NRXN3: variants seen among roughly 807,000 people sequenced by gnomAD.
NRXN3 encodes neurexin III.
NRXN3 carries 32 observed loss-of-function variants against 137.6 expected under a neutral mutation model. That is an observed-to-expected ratio of 0.23 (90% CI 0.18 to 0.31). The LOEUF is 0.31. NRXN3 is among the 10% of genes least tolerant of loss of function. The pLI is 1.00. For missense variants in NRXN3, 1,574 were observed against 2,062.5 expected (o/e 0.76, Z 4.59); for synonymous variants, 798 against 784.5 (o/e 1.02, Z -0.29).
intron 1 of NRXN3, among the ~76,000 whole-genome samples, chr14:78,178,394 G>T (rs2153345359): frequency 6.6e-6 from 1 of 152,336 alleles, no homozygotes; most frequent in East Asian, 1.9e-4. Flanking sequence ...TAATGCTGCT[G>T]GTTGTCTTTT....
intron 15 of NRXN3, among the ~76,000 whole-genome samples, chr14:79,225,892 T>C (rs1450032766): frequency 1.3e-5 from 2 of 152,094 alleles, no homozygotes; most frequent in East Asian, 1.9e-4. Flanking sequence ...TCCTAGCCCA[T>C]GGTGCCTTTC....
At chr14:79,126,809 T>C (rs1450402937) in intron 15 of NRXN3, among the ~76,000 whole-genome samples, 4 of 152,198 alleles carry the variant, frequency 2.6e-5, no homozygotes, top group Non-Finnish European at 4.4e-5. Context: ...AAAGTCTTCC[T>C]ATTTCTCCAC....
At chr14:78,680,034 GTATAATTACA>G (rs1447162212) in intron 6 of NRXN3, among the ~76,000 whole-genome samples, 2 of 152,048 alleles carry the variant, frequency 1.3e-5, no homozygotes, top group African/African-American at 4.8e-5. Context: ...ATAAGTATAT[GTATAATTACA>G]TATAATTACA....
chr14:79,230,202 G>A (rs2071895976), intron 15 of NRXN3, among the ~76,000 whole-genome samples: 1 of 152,074 alleles, frequency 6.6e-6, no homozygotes, highest in Non-Finnish European at 1.5e-5. Flanking sequence ...AGGGAACTTA[G>A]GGTAGATTTC....
chr14:78,637,627 A>G (rs1601713279), intron 4 of NRXN3, among the ~76,000 whole-genome samples: 2 of 152,190 alleles, frequency 1.3e-5, no homozygotes, highest in African/African-American at 2.4e-5. Flanking sequence ...CTAGAGTTCC[A>G]TAGATTTAGA....
chr14:79,269,597 C>T (rs181785618), intron 15 of NRXN3, among the ~76,000 whole-genome samples: 2 of 152,222 alleles, frequency 1.3e-5, no homozygotes, highest in Admixed American at 6.5e-5. Context: ...GTCTGTCCCA[C>T]GGTTCTCAGG....
chr14:79,435,080 A>G (rs2095823328), intron 15 of NRXN3, among the ~76,000 whole-genome samples: 2 of 152,136 alleles, frequency 1.3e-5, no homozygotes, highest in Admixed American at 1.3e-4. Flanking sequence ...AAGGCCAAAA[A>G]TTGTGGAGCT....
At chr14:79,436,128 A>G (rs2095842837) in intron 15 of NRXN3, among the ~76,000 whole-genome samples, 1 of 152,104 alleles carries the variant, frequency 6.6e-6, no homozygotes, top group Non-Finnish European at 1.5e-5. Flanking sequence ...ACACTGCTCC[A>G]AAAGTGCCTG....
chr14:79,730,000 A>T (rs1459170715), intron 19 of NRXN3, among the ~76,000 whole-genome samples: 1 of 152,118 alleles, frequency 6.6e-6, no homozygotes, highest in Non-Finnish European at 1.5e-5. Context: ...CTTCTGTTGT[A>T]GACAGAAAAA....
At chr14:79,358,447 G>A (rs1254336892) in intron 15 of NRXN3, among the ~76,000 whole-genome samples, 1 of 151,180 alleles carries the variant, frequency 6.6e-6, no homozygotes, top group African/African-American at 2.4e-5. Flanking sequence ...GGTGGCGGGC[G>A]CCTGTAGTCC....
rs370271520 is a variant in NRXN3 at position 78,584,181 on chromosome 14, A to G, written c.758-60939A>G. Among the ~76,000 whole-genome samples the G allele has an allele frequency of 6.7e-4, 102 of 152,284 alleles. 1 individual carries two copies. The South Asian group carries it at 0.02, about 30-fold the overall frequency. On this transcript the variant is annotated intron_variant, in intron 4 of 20. Coordinates refer to ENST00000335750, the MANE Select transcript of NRXN3 (RefSeq NM_001330195.2). ...GGATGACATCTCCTGTATGTGGACCATCTGTCTGTATGTGTGCCTGCGATT... is the reference window on the plus strand; with the variant it reads ...GGATGACATCTCCTGTATGTGGACCGTCTGTCTGTATGTGTGCCTGCGATT...
intron 4 of NRXN3, among the ~76,000 whole-genome samples, chr14:78,434,996 T>C (rs2094013262): frequency 6.6e-6 from 1 of 152,216 alleles, no homozygotes; most frequent in Admixed American, 6.5e-5. Flanking sequence ...CAACAATTTC[T>C]GGTTGTCCAC....
At chr14:79,076,931 G>A (rs2046074192) in intron 15 of NRXN3, among the ~76,000 whole-genome samples, 1 of 152,116 alleles carries the variant, frequency 6.6e-6, no homozygotes, top group South Asian at 2.1e-4. Context: ...GGGCACTCAA[G>A]TACCTACATG....
At chr14:79,119,236 C>T (rs975899064) in intron 15 of NRXN3, among the ~76,000 whole-genome samples, 5 of 151,986 alleles carry the variant, frequency 3.3e-5, no homozygotes, top group Non-Finnish European at 2.9e-5. Context: ...CATTATATCT[C>T]TATGTGTTTT....
intron 15 of NRXN3, among the ~76,000 whole-genome samples, chr14:79,294,391 T>G (rs910815249): frequency 1.3e-5 from 2 of 152,218 alleles, no homozygotes; most frequent in African/African-American, 4.8e-5. Flanking sequence ...GTGGTTGATG[T>G]AGTTTGGGCA....
chr14:79,725,405 A>G (rs1313593149), intron 19 of NRXN3, among the ~76,000 whole-genome samples: 4 of 152,168 alleles, frequency 2.6e-5, no homozygotes, highest in Non-Finnish European at 5.9e-5. Context: ...AAAACTTACC[A>G]TCAGTGTGGT....
At chr14:78,934,100 A>G (rs61994014) in intron 10 of NRXN3, among the ~76,000 whole-genome samples, 5,779 of 150,418 alleles carry the variant, frequency 0.038, 231 homozygotes, top group African/African-American at 0.09. Flanking sequence ...TGGGTCTTGT[A>G]AATTGAGTGT....
intron 4 of NRXN3, chr14:78,403,693 G>A (rs1025904752): frequency 5.1e-6 from 5 of 985,222 alleles, no homozygotes; most frequent in Non-Finnish European, 6.0e-6. Context: ...TAGGAAGGCA[G>A]CTTCCTGCAC....
At chr14:79,076,406 G>C (rs2045974357) in intron 15 of NRXN3, among the ~76,000 whole-genome samples, 3 of 152,280 alleles carry the variant, frequency 2.0e-5, no homozygotes, top group African/African-American at 4.8e-5. Flanking sequence ...CTGCAACCGA[G>C]GTGACAGCCA....
Sources: gnomAD v4.1 joint callset for allele counts (sites outside exome capture counted in the v4.1 genomes callset) on GRCh38, gnomAD v4.1.1 for gene constraint, MANE v1.5 for transcripts, NCBI Gene and HGNC (gene_info 2026-07-23, HGNC 2026-07-21) for gene names.